ADAMTS18: variants seen among roughly 807,000 people sequenced by gnomAD.
The protein encoded by ADAMTS18 is A disintegrin and metalloproteinase with thrombospondin motifs 18.
A neutral mutation model predicts 165.9 loss-of-function variants in ADAMTS18; 157 were observed. The observed-to-expected ratio is 0.95, with a 90% CI of 0.83 to 1.08. The LOEUF (loss-of-function observed/expected upper bound fraction) is 1.08. Ranked by LOEUF, ADAMTS18 falls within the 50% of genes least tolerant of loss-of-function variation. The pLI is 0.00. For missense variants in ADAMTS18, 2,040 were observed against 1,534.0 expected (o/e 1.33, Z -5.51); for synonymous variants, 782 against 578.2 (o/e 1.35, Z -5.06).
chr16:77,420,618 C>T (rs1482232235), intron 3 of ADAMTS18, among the ~76,000 whole-genome samples: 5 of 152,230 alleles, frequency 3.3e-5, no homozygotes, highest in South Asian at 4.1e-4. Flanking sequence ...TTTACAAGGA[C>T]GGAATTCATC....
At chr16:77,341,350 A>G (rs1049782353) in intron 11 of ADAMTS18, among the ~76,000 whole-genome samples, 5 of 152,140 alleles carry the variant, frequency 3.3e-5, no homozygotes, top group African/African-American at 7.2e-5. Context: ...AGGGACAGTC[A>G]TTTCTTGACT....
intron 3 of ADAMTS18, among the ~76,000 whole-genome samples, chr16:77,393,072 C>T (rs1259014201): frequency 6.6e-6 from 1 of 152,292 alleles, no homozygotes; most frequent in Admixed American, 6.5e-5. Context: ...TGAAAGTCAG[C>T]TGCATTTTGA....
chr16:77,434,540 C>G (rs1007451857), intron 1 of ADAMTS18, 35 bp from the exon 2 acceptor site: 5 of 1,536,680 alleles, frequency 3.3e-6, no homozygotes, highest in African/African-American at 1.4e-5. Flanking sequence ...GCGTGAGGGG[C>G]GCGGCGGGGC....
chr16:77,409,716 T>C (rs977545310), intron 3 of ADAMTS18, among the ~76,000 whole-genome samples: 1 of 152,236 alleles, frequency 6.6e-6, no homozygotes, highest in African/African-American at 2.4e-5. Context: ...TCAGCTCAGC[T>C]AAAAGCTAGG....
chr16:77,347,011 T>C (rs1597151742), intron 10 of ADAMTS18, among the ~76,000 whole-genome samples: 1 of 152,308 alleles, frequency 6.6e-6, no homozygotes, highest in East Asian at 1.9e-4. Flanking sequence ...CGGTCACCAA[T>C]AGGTGAGTGT....
chr16:77,307,347 A>G (rs1489068694), intron 16 of ADAMTS18, among the ~76,000 whole-genome samples: 2 of 152,200 alleles, frequency 1.3e-5, no homozygotes, highest in African/African-American at 4.8e-5. Context: ...CTGGAAGAAC[A>G]TGACCAGGTA....
In ADAMTS18 at chr16:77,334,338, T is replaced by G; in HGVS notation, c.1859+1418A>C. On this transcript the variant is annotated intron_variant, in intron 12 of 22. Transcript: ENST00000282849. ...AAAGTATAAATAATACTACATATATTATACTATTATATATACTACATATTT... is the reference window on the plus strand; with the variant it reads ...AAAGTATAAATAATACTACATATATGATACTATTATATATACTACATATTT... Among the ~76,000 whole-genome samples the G allele has an allele frequency of 8.4e-5, 2 of 23,670 alleles. 1 individual carries two copies. Among genetic ancestry groups the G allele is most frequent in the Non-Finnish European group, 1.2e-4 (2 of 16,760 alleles). The allele number at this position is 23,670 out of a possible 152,430, so 15.5% of individuals were successfully genotyped here.
intron 4 of ADAMTS18, among the ~76,000 whole-genome samples, chr16:77,365,069 G>A (rs990310686): frequency 6.6e-6 from 1 of 152,208 alleles, no homozygotes; most frequent in African/African-American, 2.4e-5. Flanking sequence ...TCACCCCACT[G>A]CAGTCCATAA....
At chr16:77,422,136 A>T (rs990125068) in intron 3 of ADAMTS18, among the ~76,000 whole-genome samples, 2 of 152,084 alleles carry the variant, frequency 1.3e-5, no homozygotes, top group Admixed American at 6.6e-5. Flanking sequence ...GCTTCTGTGC[A>T]TTAATTCACA....
At chr16:77,429,246 T>C (rs2057709446) in intron 3 of ADAMTS18, among the ~76,000 whole-genome samples, 1 of 152,232 alleles carries the variant, frequency 6.6e-6, no homozygotes, top group African/African-American at 2.4e-5. Context: ...CATGGAATAC[T>C]ATGCAACCAT....
chr16:77,337,661 G>T (rs1373652191), intron 11 of ADAMTS18, among the ~76,000 whole-genome samples: 1 of 152,094 alleles, frequency 6.6e-6, no homozygotes, highest in Non-Finnish European at 1.5e-5. Flanking sequence ...TGGAAAATGT[G>T]TTTTTTAGAT....
At chr16:77,404,272 T>C (rs1335408711) in intron 3 of ADAMTS18, among the ~76,000 whole-genome samples, 1 of 152,172 alleles carries the variant, frequency 6.6e-6, no homozygotes, top group African/African-American at 2.4e-5. Flanking sequence ...AATAGATGCC[T>C]ATGACCAAAG....
At chr16:77,431,177 G>T in intron 3 of ADAMTS18, 118 bp downstream of exon 3, 1 of 1,072,740 alleles carries the variant, frequency 9.3e-7, no homozygotes, top group Non-Finnish European at 1.4e-6. Context: ...GAAGTATCAA[G>T]GCTGACAGTG....
intron 21 of ADAMTS18, among the ~76,000 whole-genome samples, chr16:77,289,789 T>C: frequency 6.6e-6 from 1 of 152,134 alleles, no homozygotes; most frequent in East Asian, 1.9e-4. Context: ...GCAGCTGCAG[T>C]AGTGGAGGAC....
intron 3 of ADAMTS18, among the ~76,000 whole-genome samples, chr16:77,389,301 T>C (rs189348285): frequency 2.6e-5 from 4 of 152,292 alleles, no homozygotes; most frequent in African/African-American, 9.6e-5. Flanking sequence ...TGAGACTTTA[T>C]CTCAAAAAAC....
intron 3 of ADAMTS18, among the ~76,000 whole-genome samples, chr16:77,429,540 A>C (rs1352409020): frequency 6.6e-6 from 1 of 152,214 alleles, no homozygotes; most frequent in South Asian, 2.1e-4. Context: ...TTGTGACATG[A>C]GTTCACCCAC....
intron 2 of ADAMTS18, among the ~76,000 whole-genome samples, chr16:77,434,007 A>G (rs1164801861): frequency 6.6e-6 from 1 of 152,198 alleles, no homozygotes; most frequent in African/African-American, 2.4e-5. Context: ...AAAAATGAGG[A>G]AAGATGGAGA....
intron 17 of ADAMTS18, among the ~76,000 whole-genome samples, chr16:77,298,556 T>A (rs972484414): frequency 2.0e-5 from 3 of 151,142 alleles, no homozygotes; most frequent in African/African-American, 7.3e-5. Flanking sequence ...CTTTGGGAGG[T>A]CAAGGAAGGC....
At chr16:77,294,671 C>A (rs1406479584) in intron 19 of ADAMTS18, among the ~76,000 whole-genome samples, 1 of 152,172 alleles carries the variant, frequency 6.6e-6, no homozygotes, top group Admixed American at 6.5e-5. Flanking sequence ...GCTGTGCTCA[C>A]GAGTCTGGCC....
Sources: allele counts gnomAD v4.1 joint callset (sites outside exome capture counted in the v4.1 genomes callset), GRCh38; gene constraint gnomAD v4.1.1; transcripts MANE v1.5; gene names NCBI Gene and HGNC (gene_info 2026-07-23, HGNC 2026-07-21).